FOXP1: variants seen among roughly 807,000 people sequenced by gnomAD.
The protein encoded by FOXP1 is forkhead box P1, also known as forkhead box protein P1.
FOXP1 carries 15 observed loss-of-function variants against 98.2 expected under a neutral mutation model. The ratio of observed to expected loss-of-function variants is 0.15; its 90% CI spans 0.10 to 0.24. FOXP1 has a LOEUF of 0.24. Among genes scored for constraint, FOXP1 ranks in the 10% least tolerant of loss-of-function variants. The pLI is 1.00. For missense variants in FOXP1, 633 were observed against 848.5 expected (o/e 0.75, Z 3.15); for synonymous variants, 371 against 314.5 (o/e 1.18, Z -1.90).
At chr3:71,214,115 T>C (rs2064725974) in intron 5 of FOXP1, among the ~76,000 whole-genome samples, 1 of 152,242 alleles carries the variant, frequency 6.6e-6, no homozygotes, top group African/African-American at 2.4e-5. Flanking sequence ...CAAAAGCATC[T>C]GCCTGCTTGG....
chr3:71,244,503 G>A (rs199754922), intron 5 of FOXP1, among the ~76,000 whole-genome samples: 7 of 142,008 alleles, frequency 4.9e-5, no homozygotes, highest in African/African-American at 1.0e-4. Context: ...TTGAAAAAGG[G>A]AAAAAAAAAA....
chr3:71,044,403 A>T (rs995314363), intron 10 of FOXP1, among the ~76,000 whole-genome samples: 3 of 152,224 alleles, frequency 2.0e-5, no homozygotes, highest in African/African-American at 7.2e-5. Context: ...GGAGGATGAG[A>T]TGATTAAAGA....
At chr3:70,963,317 G>C (rs1026846432) in intron 20 of FOXP1, among the ~76,000 whole-genome samples, 4 of 152,176 alleles carry the variant, frequency 2.6e-5, no homozygotes, top group Admixed American at 6.5e-5. Context: ...AGTGAAATCC[G>C]ATTTCGGGAC....
intron 5 of FOXP1, among the ~76,000 whole-genome samples, chr3:71,208,536 T>G (rs201471711): frequency 6.7e-6 from 1 of 149,346 alleles, no homozygotes; most frequent in Non-Finnish European, 1.5e-5. Context: ...GCATTTAAGT[T>G]TGTGTGTGTG....
At chr3:71,164,605 C>T (rs1420750614) in intron 6 of FOXP1, among the ~76,000 whole-genome samples, 1 of 152,166 alleles carries the variant, frequency 6.6e-6, no homozygotes, top group Non-Finnish European at 1.5e-5. Flanking sequence ...AATATTAATT[C>T]CCAGAGACTA....
At chr3:71,483,002 AT>A (rs897095333) in intron 3 of FOXP1, among the ~76,000 whole-genome samples, 5 of 151,230 alleles carry the variant, frequency 3.3e-5, no homozygotes, top group Admixed American at 6.6e-5. Flanking sequence ...CATCCGGCTA[AT>A]TTTTTTTCTT....
chr3:70,991,843 T>C (rs1296118408), intron 13 of FOXP1, among the ~76,000 whole-genome samples: 3 of 152,178 alleles, frequency 2.0e-5, no homozygotes, highest in Admixed American at 6.5e-5. Context: ...AGGGTCCCAG[T>C]TGTATGATGC....
At chr3:71,254,685 T>C (rs538898740) in intron 5 of FOXP1, among the ~76,000 whole-genome samples, 144 of 152,332 alleles carry the variant, frequency 9.5e-4, no homozygotes, top group African/African-American at 3.3e-3. Context: ...AGGGCTTTAC[T>C]GTTAGCCCTG....
In FOXP1 at chr3:71,041,677, C is replaced by T. The variant is rs555732332; in HGVS notation, c.665-145G>A. ...GCAGTTTTTTTTCCCCTCCCAACTA[C>T]GGCAGATGCGGTAGTAAAAAGTGTG... On this transcript the variant is annotated intron_variant, in intron 10 of 20. Transcript: ENST00000649528. 632 of 735,378 alleles carry T rather than the reference C, an allele frequency of 8.6e-4. 2 individuals are homozygous for T. The highest frequency in any genetic ancestry group is 1.3e-3 in the Non-Finnish European group (552 of 422,974). The allele number at this position is 735,378 out of a possible 1,614,324, so 45.6% of individuals were successfully genotyped here. A position where few individuals can be genotyped will look rare whatever the true frequency, so the allele number is the denominator to read the frequency against.
rs117814370 is a variant in FOXP1, at chr3:71,513,014, G to A, written c.-297-19459C>T. 3.5e-4 allele frequency among the ~76,000 whole-genome samples: 54 copies of A among 152,194 alleles called. No homozygotes were observed. In the East Asian group the frequency reaches 9.6e-3, roughly 27 times the overall value. The stretch of plus-strand genomic sequence containing the variant: ...GAGATACTAGTAAGGTCAGTTTTAG[G>A]GGAACATGAAAACAGCCTGCTCCAG... On this transcript the variant is annotated intron_variant, in intron 2 of 20. Transcript: ENST00000649528.
intron 3 of FOXP1, among the ~76,000 whole-genome samples, chr3:71,488,074 T>G (rs1379191004): frequency 6.6e-6 from 1 of 152,168 alleles, no homozygotes; most frequent in Non-Finnish European, 1.5e-5. Context: ...TGACTCTACC[T>G]CCTTAGGGAC....
At position 71,105,209 on chromosome 3, in the gene FOXP1, CT is replaced by C. The variant is rs370103003; in HGVS notation, c.282+7326del. ...TACTACAAAATATGGCTTGCGTTTTCTTTTTTTTTCCCCCTCTTTCCCTGAA... is the reference window on the plus strand; with the variant it reads ...TACTACAAAATATGGCTTGCGTTTTCTTTTTTTTCCCCCTCTTTCCCTGAA... On this transcript the variant is annotated intron_variant, in intron 7 of 20. Transcript: ENST00000649528. 6.0e-3 allele frequency among the ~76,000 whole-genome samples: 913 copies of C among 151,028 alleles called. 14 individuals carry two copies. Among genetic ancestry groups the C allele is most frequent in the African/African-American group, 0.021 (867 of 41,336 alleles).
chr3:71,339,415 T>G (rs931806798), intron 4 of FOXP1, among the ~76,000 whole-genome samples: 1 of 152,238 alleles, frequency 6.6e-6, no homozygotes, highest in African/African-American at 2.4e-5. Context: ...ACACTCAGAT[T>G]AGCATTGGTG....
At chr3:71,119,099 CATT>C (rs1381670738) in intron 6 of FOXP1, among the ~76,000 whole-genome samples, 8 of 152,308 alleles carry the variant, frequency 5.3e-5, no homozygotes, top group Admixed American at 1.3e-4. Context: ...GGAGCAAGAA[CATT>C]ATTAATTAGC....
chr3:71,150,720 C>T (rs561678456), intron 6 of FOXP1, among the ~76,000 whole-genome samples: 17 of 152,124 alleles, frequency 1.1e-4, no homozygotes, highest in African/African-American at 3.6e-4. Context: ...AAATGCAGAA[C>T]TGTCACATGC....
chr3:71,138,781 C>T (rs1192268610), intron 6 of FOXP1, among the ~76,000 whole-genome samples: 1 of 152,102 alleles, frequency 6.6e-6, no homozygotes, highest in African/African-American at 2.4e-5. Flanking sequence ...TGGCACGCGA[C>T]CTGTGAAAAA....
intron 2 of FOXP1, among the ~76,000 whole-genome samples, chr3:71,544,945 CAT>C (rs2045237913): frequency 6.6e-6 from 1 of 151,664 alleles, no homozygotes; most frequent in African/African-American, 2.4e-5. Flanking sequence ...TATCTAGAGA[CAT>C]AAAAAAATGT....
intron 2 of FOXP1, among the ~76,000 whole-genome samples, chr3:71,522,752 T>G (rs1015749834): frequency 6.6e-6 from 1 of 152,188 alleles, no homozygotes; most frequent in African/African-American, 2.4e-5. Context: ...GCCCACCTAC[T>G]GCACATCTGT....
intron 4 of FOXP1, among the ~76,000 whole-genome samples, chr3:71,310,817 A>G (rs1453584241): frequency 6.6e-6 from 1 of 152,194 alleles, no homozygotes; most frequent in Non-Finnish European, 1.5e-5. Flanking sequence ...GTTGGCAGAC[A>G]CAACTCATGG....
Sources: allele counts gnomAD v4.1 joint callset (sites outside exome capture counted in the v4.1 genomes callset), GRCh38; gene constraint gnomAD v4.1.1; transcripts MANE v1.5; gene names NCBI Gene and HGNC (gene_info 2026-07-23, HGNC 2026-07-21).